The following SLC35D4 variants were observed in gnomAD, a reference collection of about 807,000 sequenced individuals.
SLC35D4 encodes the protein UDP-N-acetylglucosamine transporter SLC35D4.
the SLC35D4 span, among the ~76,000 whole-genome samples, chr18:23,270,391 A>T: frequency 6.4e-3 from 975 of 152,374 alleles, 15 homozygotes; most frequent in African/African-American, 0.022. Flanking sequence ...CTTCAGGGGC[A>T]GAGCCCTCAT....
the SLC35D4 span, among the ~76,000 whole-genome samples, chr18:23,375,904 T>C: frequency 1.3e-5 from 2 of 152,190 alleles, no homozygotes; most frequent in African/African-American, 4.8e-5. Flanking sequence ...CCTTCTGAGT[T>C]TCATATGCCA....
At chr18:23,286,872 C>T in the SLC35D4 span, among the ~76,000 whole-genome samples, 17 of 152,006 alleles carry the variant, frequency 1.1e-4, no homozygotes, top group East Asian at 9.7e-4. Flanking sequence ...ATTACAGCTG[C>T]ATCTCATTGC....
chr18:23,409,142 G>GA, the SLC35D4 span, among the ~76,000 whole-genome samples: 22 of 145,824 alleles, frequency 1.5e-4, no homozygotes, highest in South Asian at 2.2e-4. Context: ...TCTCAAAAAG[G>GA]AAAAAAAAAG....
chr18:23,250,116 G>A, the SLC35D4 span, among the ~76,000 whole-genome samples: 1 of 152,206 alleles, frequency 6.6e-6, no homozygotes, highest in Non-Finnish European at 1.5e-5. Flanking sequence ...TTGCTGCGAG[G>A]AGAGATCCAG....
chr18:23,258,223 T>G, the SLC35D4 span: 1 of 152,596 alleles, frequency 6.6e-6, no homozygotes, highest in Admixed American at 6.5e-5. Context: ...CCTCGCACTT[T>G]CTCCACTGTG....
At chr18:23,415,899 G>T in the SLC35D4 span, among the ~76,000 whole-genome samples, 1 of 152,142 alleles carries the variant, frequency 6.6e-6, no homozygotes, top group African/African-American at 2.4e-5. Context: ...AGGAGATATG[G>T]CCTCTTTGCA....
chr18:23,324,087 G>GAA, the SLC35D4 span, among the ~76,000 whole-genome samples: 1,277 of 111,404 alleles, frequency 0.011, 21 homozygotes, highest in African/African-American at 0.039. Flanking sequence ...TGTCTCAAAA[G>GAA]AAAAAAAAAA....
chr18:23,298,015 T>C, the SLC35D4 span: 1 of 1,613,450 alleles, frequency 6.2e-7, no homozygotes, highest in East Asian at 2.2e-5. Flanking sequence ...GTTCAGGAGC[T>C]CTTCCGCTCT....
At chr18:23,397,105 G>T in the SLC35D4 span, among the ~76,000 whole-genome samples, 2 of 152,084 alleles carry the variant, frequency 1.3e-5, no homozygotes, top group Non-Finnish European at 2.9e-5. Flanking sequence ...GGGGCGGCGG[G>T]GGGAGGGTAA....
At chr18:23,284,584 T>C in the SLC35D4 span, among the ~76,000 whole-genome samples, 1 of 152,212 alleles carries the variant, frequency 6.6e-6, no homozygotes, top group South Asian at 2.1e-4. Context: ...CTCCCTATAA[T>C]GTATATAAAA....
At chr18:23,253,258 G>A in the SLC35D4 span, among the ~76,000 whole-genome samples, 5 of 152,284 alleles carry the variant, frequency 3.3e-5, no homozygotes, top group South Asian at 2.1e-4. Flanking sequence ...CGAAGTGGGC[G>A]GATCACCTGA....
the SLC35D4 span, among the ~76,000 whole-genome samples, chr18:23,421,656 C>T: frequency 6.6e-6 from 1 of 150,712 alleles, no homozygotes; most frequent in African/African-American, 2.4e-5. Context: ...CAAGTACTGA[C>T]ATTGACATTC....
the SLC35D4 span, among the ~76,000 whole-genome samples, chr18:23,342,451 A>G: frequency 6.6e-6 from 1 of 152,000 alleles, no homozygotes; most frequent in South Asian, 2.1e-4. Context: ...TATATATACT[A>G]TATCTTATTT....
At chr18:23,266,545 G>A in the SLC35D4 span, among the ~76,000 whole-genome samples, 2,896 of 152,286 alleles carry the variant, frequency 0.019, 111 homozygotes, top group African/African-American at 0.067. Flanking sequence ...GCAGAGTGTC[G>A]GTGACAACTC....
the SLC35D4 span, chr18:23,430,776 C>A: frequency 8.5e-7 from 1 of 1,175,720 alleles, no homozygotes; most frequent in Non-Finnish European, 1.2e-6. Context: ...AACCACATAA[C>A]CTAAGTAAAT....
At chr18:23,349,055 C>G in the SLC35D4 span, among the ~76,000 whole-genome samples, 4 of 152,160 alleles carry the variant, frequency 2.6e-5, no homozygotes, top group African/African-American at 9.7e-5. Context: ...CACTGTTGTT[C>G]CCCCATATAT....
At chr18:23,326,882 C>A in the SLC35D4 span, among the ~76,000 whole-genome samples, 2 of 152,200 alleles carry the variant, frequency 1.3e-5, no homozygotes, top group Non-Finnish European at 2.9e-5. Flanking sequence ...CAAATTAGAA[C>A]TCAGGATTAA....
the SLC35D4 span, among the ~76,000 whole-genome samples, chr18:23,256,857 G>A: frequency 1.3e-5 from 2 of 152,184 alleles, no homozygotes; most frequent in African/African-American, 2.4e-5. Flanking sequence ...CAGTTAGGGT[G>A]GACTCTTAGT....
chr18:23,421,527 A>T, the SLC35D4 span: 1 of 1,196,158 alleles, frequency 8.4e-7, no homozygotes, highest in Non-Finnish European at 1.2e-6. Context: ...CTGCTGACTG[A>T]CACAAAGAGA....
Sources: allele counts gnomAD v4.1 joint callset (sites outside exome capture counted in the v4.1 genomes callset), GRCh38; gene constraint gnomAD v4.1.1; transcripts MANE v1.5; gene names NCBI Gene and HGNC (gene_info 2026-07-23, HGNC 2026-07-21).